The following MAGI2 variants were observed in gnomAD, a reference collection of about 807,000 sequenced individuals.
MAGI2 encodes the protein membrane associated guanylate kinase, WW and PDZ domain containing 2, also known as membrane-associated guanylate kinase, WW and PDZ domain-containing protein 2.
In MAGI2, 35 loss-of-function variants were observed where a neutral mutation model predicts 133.3. The ratio of observed to expected loss-of-function variants is 0.26; its 90% CI spans 0.20 to 0.35. The LOEUF is 0.35. MAGI2 is among the 10% of genes least tolerant of loss of function. The pLI, the probability that MAGI2 is intolerant of heterozygous loss-of-function variation, is 1.00. For missense variants in MAGI2, 1,636 were observed against 1,863.4 expected, an observed-to-expected ratio of 0.88 and a Z score of 2.25; for synonymous variants, 729 against 710.6, an observed-to-expected ratio of 1.03 and a Z score of -0.41.
intron 1 of MAGI2, among the ~76,000 whole-genome samples, chr7:79,249,354 T>A (rs1833058440): frequency 6.6e-6 from 1 of 151,874 alleles, no homozygotes; most frequent in Non-Finnish European, 1.5e-5. Context: ...AAAGTAAGTT[T>A]GTTTTTTGAA....
intron 1 of MAGI2, among the ~76,000 whole-genome samples, chr7:79,216,727 A>G (rs1317408417): frequency 1.3e-5 from 2 of 152,192 alleles, no homozygotes; most frequent in Non-Finnish European, 1.5e-5. Context: ...ATATGCATAT[A>G]CACACATTAA....
intron 2 of MAGI2, among the ~76,000 whole-genome samples, chr7:79,001,967 TG>T (rs1195229119): frequency 1.3e-5 from 2 of 152,152 alleles, no homozygotes; most frequent in Admixed American, 1.3e-4. Flanking sequence ...TATCTATATA[TG>T]TTTTTCATGG....
intron 21 of MAGI2, among the ~76,000 whole-genome samples, chr7:78,041,189 C>G (rs1180642596): frequency 6.6e-6 from 1 of 152,210 alleles, no homozygotes; most frequent in African/African-American, 2.4e-5. Context: ...CAGCCTCAGA[C>G]ACTGCACAAG....
At chr7:78,830,684 G>A (rs965448820) in intron 2 of MAGI2, among the ~76,000 whole-genome samples, 3 of 152,148 alleles carry the variant, frequency 2.0e-5, no homozygotes, top group African/African-American at 7.2e-5. Flanking sequence ...ATGGGAGTGA[G>A]GGGTAGCTTG....
rs1310133720 is a variant in MAGI2 at position 78,503,369 on chromosome 7, T to A, written c.755-1582A>T. Among the ~76,000 whole-genome samples, 4 of 152,062 alleles carry A rather than the reference T, an allele frequency of 2.6e-5. No homozygotes were observed. In the East Asian group the frequency reaches 7.7e-4, roughly 29 times the overall value. Reference sequence around the variant, plus strand: ...TAAAAGGTAGGAAGATGATATGGTTTGGCTGTGTCCCCATCCAAAATCTCA... The same window carrying A: ...TAAAAGGTAGGAAGATGATATGGTTAGGCTGTGTCCCCATCCAAAATCTCA... On this transcript the variant is annotated intron_variant, in intron 4 of 21. Transcript: ENST00000354212.
At chr7:78,412,255 G>T (rs1465129531) in intron 6 of MAGI2, among the ~76,000 whole-genome samples, 2 of 152,036 alleles carry the variant, frequency 1.3e-5, no homozygotes, top group African/African-American at 4.8e-5. Flanking sequence ...TGCAGGAGCT[G>T]TAAGAGCAAA....
intron 2 of MAGI2, among the ~76,000 whole-genome samples, chr7:78,944,581 G>A (rs1406872101): frequency 6.6e-6 from 1 of 151,910 alleles, no homozygotes; most frequent in Non-Finnish European, 1.5e-5. Flanking sequence ...ATAAATAAAA[G>A]TGACACTCCA....
intron 5 of MAGI2, 185 bp from the exon 6 acceptor site, chr7:78,490,025 A>G (rs1220898729): frequency 2.0e-6 from 1 of 494,318 alleles, no homozygotes; most frequent in South Asian, 4.1e-5. Flanking sequence ...AAATTTGGCA[A>G]CCTCAGCTCC....
At chr7:79,225,965 A>G (rs1442731758) in intron 1 of MAGI2, among the ~76,000 whole-genome samples, 1 of 152,152 alleles carries the variant, frequency 6.6e-6, no homozygotes, top group Middle Eastern at 3.2e-3. Flanking sequence ...TGCCCTTTGT[A>G]TAGAATGTCA....
At chr7:78,344,411 G>A (rs973040070) in intron 8 of MAGI2, among the ~76,000 whole-genome samples, 1 of 152,114 alleles carries the variant, frequency 6.6e-6, no homozygotes, top group Non-Finnish European at 1.5e-5. Context: ...AGAAATAAGG[G>A]TAGAGAAATG....
chr7:79,275,630 G>T (rs1835174336), intron 1 of MAGI2, among the ~76,000 whole-genome samples: 2 of 152,140 alleles, frequency 1.3e-5, no homozygotes, highest in Admixed American at 6.6e-5. Context: ...TAGCCTATTG[G>T]AAGAAGATGT....
At chr7:79,281,543 AAAG>A (rs1304113829) in intron 1 of MAGI2, among the ~76,000 whole-genome samples, 1 of 152,166 alleles carries the variant, frequency 6.6e-6, no homozygotes, top group Non-Finnish European at 1.5e-5. Flanking sequence ...AGAAGAAAAA[AAAG>A]AGAGGGCAAA....
At chr7:78,155,907 C>T (rs957606598) in intron 16 of MAGI2, among the ~76,000 whole-genome samples, 4 of 152,226 alleles carry the variant, frequency 2.6e-5, no homozygotes, top group Non-Finnish European at 5.9e-5. Context: ...CTCCCAGTTT[C>T]CCAATTAGCT....
chr7:78,984,798 T>C (rs1170743188), intron 2 of MAGI2, among the ~76,000 whole-genome samples: 1 of 152,070 alleles, frequency 6.6e-6, no homozygotes, highest in African/African-American at 2.4e-5. Context: ...TCTATTTTTC[T>C]GTTTATTGTC....
At chr7:78,294,038 T>C (rs1796982532) in intron 9 of MAGI2, among the ~76,000 whole-genome samples, 2 of 152,100 alleles carry the variant, frequency 1.3e-5, no homozygotes, top group African/African-American at 4.8e-5. Flanking sequence ...GTAATACACC[T>C]GCACATTGTG....
At chr7:78,670,219 C>T (rs944471055) in intron 2 of MAGI2, among the ~76,000 whole-genome samples, 10 of 152,128 alleles carry the variant, frequency 6.6e-5, no homozygotes, top group African/African-American at 2.4e-4. Flanking sequence ...GCAACTTCAG[C>T]AAATTCTCAG....
At chr7:78,784,102 C>G (rs1027545639) in intron 2 of MAGI2, among the ~76,000 whole-genome samples, 1 of 152,002 alleles carries the variant, frequency 6.6e-6, no homozygotes, top group Non-Finnish European at 1.5e-5. Flanking sequence ...TTATAACCAT[C>G]CAATTAGGTA....
chr7:78,629,524 C>T (rs907571712), intron 2 of MAGI2, among the ~76,000 whole-genome samples: 4 of 152,156 alleles, frequency 2.6e-5, no homozygotes, highest in Admixed American at 2.0e-4. Context: ...AAACCAGAAT[C>T]TCTTCCTTCC....
At chr7:79,428,126 A>C (rs1352807872) in intron 1 of MAGI2, among the ~76,000 whole-genome samples, 1 of 152,182 alleles carries the variant, frequency 6.6e-6, no homozygotes, top group Non-Finnish European at 1.5e-5. Context: ...AGATTTTTAA[A>C]GGAAGAAGTA....
Sources: gnomAD v4.1 joint callset for allele counts (sites outside exome capture counted in the v4.1 genomes callset) on GRCh38, gnomAD v4.1.1 for gene constraint, MANE v1.5 for transcripts, NCBI Gene and HGNC (gene_info 2026-07-23, HGNC 2026-07-21) for gene names.